The following TLR6 variants were observed in gnomAD, a reference collection of about 807,000 sequenced individuals.
TLR6 encodes the protein toll-like receptor 6.
In TLR6, 9 loss-of-function variants were observed where a neutral mutation model predicts 16.1. The observed-to-expected ratio is 0.56, with a 90% CI of 0.34 to 0.98. The LOEUF is 0.98. Ranked by LOEUF, TLR6 falls within the 50% of genes least tolerant of loss-of-function variation. The pLI, the probability that TLR6 is intolerant of heterozygous loss-of-function variation, is 0.02. For missense variants in TLR6, 786 were observed against 921.0 expected (o/e 0.85, Z 1.90); for synonymous variants, 340 against 338.6 (o/e 1.00, Z -0.04).
chr4:38,856,291 T>G (rs1712984275), intron 1 of TLR6, among the ~76,000 whole-genome samples: 1 of 152,200 alleles, frequency 6.6e-6, no homozygotes, highest in Non-Finnish European at 1.5e-5. Flanking sequence ...TTCAAAAAGC[T>G]TATGAATTAG....
exon 2 of TLR6, chr4:38,829,332 T>C: frequency 1.2e-6 from 2 of 1,614,158 alleles, no homozygotes; most frequent in Middle Eastern, 3.3e-4. Context: ...GGTAGGTCTT[T>C]TGGAACATGA....
chr4:38,864,497 C>G, the TLR6 span, among the ~76,000 whole-genome samples: 1 of 152,120 alleles, frequency 6.6e-6, no homozygotes, highest in Admixed American at 6.5e-5. Flanking sequence ...ATATGAAGCA[C>G]AATAAAGTAG....
exon 2 of TLR6, chr4:38,827,102 T>G (rs1402029521): frequency 2.5e-6 from 4 of 1,585,298 alleles, no homozygotes; most frequent in Non-Finnish European, 3.4e-6. Context: ...CACATCATTG[T>G]TTTCAGTGAC....
intron 1 of TLR6, among the ~76,000 whole-genome samples, chr4:38,843,301 T>C (rs955148537): frequency 3.9e-5 from 6 of 152,172 alleles, no homozygotes; most frequent in Non-Finnish European, 1.5e-5. Flanking sequence ...ATCTATGAGC[T>C]CCTGGGGGAC....
At chr4:38,827,006 G>C (rs1727570248) in exon 2 of TLR6, 1 of 1,173,842 alleles carries the variant, frequency 8.5e-7, no homozygotes, top group Non-Finnish European at 1.2e-6. Context: ...GGCACCTCCA[G>C]ACAGTTACTT....
the TLR6 span, among the ~76,000 whole-genome samples, chr4:38,862,837 C>T: frequency 6.0e-5 from 9 of 149,180 alleles, no homozygotes; most frequent in East Asian, 7.9e-4. Flanking sequence ...CCTCATGATC[C>T]GCCCGTCTTG....
chr4:38,847,857 G>A (rs985813250), intron 1 of TLR6, among the ~76,000 whole-genome samples: 3 of 152,220 alleles, frequency 2.0e-5, no homozygotes, highest in Non-Finnish European at 4.4e-5. Context: ...ACCTCTGGGG[G>A]CAGGGCATAG....
At chr4:38,859,595 C>T (rs565419132), upstream of TLR6, among the ~76,000 whole-genome samples, 5 of 124,482 alleles carry the variant, frequency 4.0e-5, no homozygotes, top group East Asian at 6.9e-4. Flanking sequence ...GACAGGGTCT[C>T]GCTCTGTTGC....
upstream of TLR6, among the ~76,000 whole-genome samples, chr4:38,860,524 C>T (rs1332075394): frequency 8.5e-5 from 11 of 128,688 alleles, no homozygotes; most frequent in Non-Finnish European, 1.4e-4. Flanking sequence ...ACCTAAACTT[C>T]TCTGCTGAAT....
At chr4:38,840,220 C>T (rs1712186370) in intron 1 of TLR6, among the ~76,000 whole-genome samples, 1 of 152,212 alleles carries the variant, frequency 6.6e-6, no homozygotes, top group Non-Finnish European at 1.5e-5. Context: ...TATTTGTCTG[C>T]ACTGGCATTC....
upstream of TLR6, among the ~76,000 whole-genome samples, chr4:38,856,999 A>C (rs929914046): frequency 6.6e-6 from 1 of 152,224 alleles, no homozygotes; most frequent in East Asian, 1.9e-4. Flanking sequence ...CAATTTTCTA[A>C]TTCGTGTGAG....
At chr4:38,856,999 A>G (rs929914046), upstream of TLR6, among the ~76,000 whole-genome samples, 1 of 152,224 alleles carries the variant, frequency 6.6e-6, no homozygotes. Context: ...CAATTTTCTA[A>G]TTCGTGTGAG....
At chr4:38,861,437 C>G (rs1243344611), upstream of TLR6, among the ~76,000 whole-genome samples, 1 of 152,162 alleles carries the variant, frequency 6.6e-6, no homozygotes, top group Non-Finnish European at 1.5e-5. Flanking sequence ...CTTCTCTCAC[C>G]TCCAACTCTT....
chr4:38,847,595 C>A (rs532978415), intron 1 of TLR6, among the ~76,000 whole-genome samples: 60 of 152,304 alleles, frequency 3.9e-4, no homozygotes, highest in South Asian at 8.3e-4. Flanking sequence ...TAATACCGTG[C>A]TTTTCCAACG....
At chr4:38,838,917 GAGGGAGGGAGGGAAGGAAGGAAGGA>G (rs1428039461) in intron 1 of TLR6, among the ~76,000 whole-genome samples, 2 of 126,906 alleles carry the variant, frequency 1.6e-5, no homozygotes, top group African/African-American at 3.4e-5. Flanking sequence ...GGAAGGAAGG[GAGGGAGGGAGGGAAGGAAGGAAGGA>G]AGGGAGGAAG....
chr4:38,851,400 A>G (rs1218393161), intron 1 of TLR6, among the ~76,000 whole-genome samples: 28 of 152,150 alleles, frequency 1.8e-4, no homozygotes, highest in Admixed American at 1.8e-3. Flanking sequence ...AATCAGGCAA[A>G]AGAAAGAAAT....
intron 1 of TLR6, among the ~76,000 whole-genome samples, chr4:38,848,506 A>G (rs1712632408): frequency 6.6e-6 from 1 of 152,246 alleles, no homozygotes; most frequent in Non-Finnish European, 1.5e-5. Context: ...GTTCGAACCC[A>G]TTGCAAAGAA....
chr4:38,838,458 C>A (rs1272757300), intron 1 of TLR6, among the ~76,000 whole-genome samples: 1 of 152,060 alleles, frequency 6.6e-6, no homozygotes, highest in Non-Finnish European at 1.5e-5. Flanking sequence ...TATGGATGGA[C>A]CTGGAGGTCA....
chr4:38,855,821 A>T (rs1712959149), intron 1 of TLR6, among the ~76,000 whole-genome samples: 1 of 152,194 alleles, frequency 6.6e-6, no homozygotes. Flanking sequence ...AAATGGGAAG[A>T]TGAGAGTGGA....
Sources: gnomAD v4.1 joint callset for allele counts (sites outside exome capture counted in the v4.1 genomes callset) on GRCh38, gnomAD v4.1.1 for gene constraint, MANE v1.5 for transcripts, NCBI Gene and HGNC (gene_info 2026-07-23, HGNC 2026-07-21) for gene names.